FSTL5: variants seen among roughly 807,000 people sequenced by gnomAD.
FSTL5 encodes the protein follistatin like 5.
Under a neutral mutation model 89.1 loss-of-function variants are expected in FSTL5, and 62 were observed. That is an observed-to-expected ratio of 0.70 (90% confidence interval 0.57 to 0.86). FSTL5 has a LOEUF of 0.86. Ranked by LOEUF, FSTL5 falls within the 40% of genes least tolerant of loss-of-function variation. FSTL5 has a pLI of 0.00. For missense variants in FSTL5, 1,057 were observed against 1,001.6 expected (o/e 1.06, Z -0.75); for synonymous variants, 383 against 346.2 (o/e 1.11, Z -1.18).
intron 4 of FSTL5, among the ~76,000 whole-genome samples, chr4:161,902,066 A>C (rs1351619726): frequency 6.6e-6 from 1 of 152,110 alleles, no homozygotes; most frequent in Non-Finnish European, 1.5e-5. Context: ...TATTTGTTAC[A>C]TGTATTCTGA....
rs1002957888 is a variant in FSTL5, at chr4:161,624,868, C to A, written c.894+31460G>T. Among the ~76,000 whole-genome samples the A allele has an allele frequency of 2.6e-5, 4 of 152,012 alleles. No homozygotes were observed. In the East Asian group the frequency reaches 7.7e-4, roughly 29 times the overall value. On this transcript the variant is annotated intron_variant, in intron 7 of 15. Coordinates refer to ENST00000306100, the MANE Select transcript of FSTL5 (RefSeq NM_020116.5). ...TGAATTTGGACATATTTGCTGTATG[C>A]CAAACTTTAGTTCCAGATTCTATGC...
At chr4:161,510,304 A>T in intron 11 of FSTL5, 94 bp downstream of exon 11, 1 of 782,224 alleles carries the variant, frequency 1.3e-6, no homozygotes, top group Non-Finnish European at 2.0e-6. Context: ...AATCAAAATG[A>T]AAAAGAAGGT....
chr4:161,712,197 G>A (rs567839161), intron 6 of FSTL5, among the ~76,000 whole-genome samples: 1 of 152,168 alleles, frequency 6.6e-6, no homozygotes, highest in Non-Finnish European at 1.5e-5. Flanking sequence ...TTGTAGGAAT[G>A]GATGCACAAC....
Position 161,455,137 on chromosome 4 carries a change from A to G in FSTL5, c.1717-9T>C, listed in dbSNP as rs779736607. On this transcript the variant is annotated splice_polypyrimidine_tract_variant and intron_variant, in intron 14 of 15. Coordinates refer to ENST00000306100, the MANE Select transcript of FSTL5 (RefSeq NM_020116.5). ...CTGGCCAGGGTAATTACCTAAAGAG[A>G]ACACACCTTGGTTAGACCTCAACAA... 1 of 1,594,244 alleles carries G rather than the reference A, an allele frequency of 6.3e-7. No individual in the cohort carries two copies. Among genetic ancestry groups the G allele is most frequent in the Non-Finnish European group, 8.5e-7 (1 of 1,172,446 alleles).
intron 7 of FSTL5, among the ~76,000 whole-genome samples, chr4:161,604,867 C>T (rs929093862): frequency 1.3e-4 from 20 of 152,168 alleles, no homozygotes; most frequent in African/African-American, 4.8e-4. Flanking sequence ...TAAAAGAACA[C>T]AGCAGAACCA....
chr4:161,477,861 T>C (rs1729344995), intron 13 of FSTL5, among the ~76,000 whole-genome samples: 2 of 152,050 alleles, frequency 1.3e-5, no homozygotes, highest in South Asian at 2.1e-4. Flanking sequence ...AAAGTCTCAA[T>C]AGTGTATACA....
intron 2 of FSTL5, among the ~76,000 whole-genome samples, chr4:162,062,019 C>A (rs898707970): frequency 6.6e-6 from 1 of 151,996 alleles, no homozygotes; most frequent in South Asian, 2.1e-4. Flanking sequence ...ATTTTAAGAG[C>A]TTATTCTTTA....
chr4:161,479,012 CAAT>C (rs1729405868), intron 13 of FSTL5, among the ~76,000 whole-genome samples: 1 of 151,960 alleles, frequency 6.6e-6, no homozygotes, highest in South Asian at 2.1e-4. Context: ...GAAATCTACA[CAAT>C]AATTTCCTTC....
At chr4:161,617,481 G>A (rs993152384) in intron 7 of FSTL5, among the ~76,000 whole-genome samples, 1 of 152,128 alleles carries the variant, frequency 6.6e-6, no homozygotes. Context: ...TTGGTCTCAA[G>A]TTTGAAGGAA....
intron 6 of FSTL5, among the ~76,000 whole-genome samples, chr4:161,678,393 GA>G (rs971241095): frequency 6.6e-6 from 1 of 151,736 alleles, no homozygotes; most frequent in African/African-American, 2.4e-5. Flanking sequence ...AAAGAAGAGT[GA>G]AATAATCTTT....
At chr4:162,145,896 TTTTTTCTAAAAAAGTGA>T (rs1732955134) in intron 1 of FSTL5, among the ~76,000 whole-genome samples, 1 of 152,108 alleles carries the variant, frequency 6.6e-6, no homozygotes, top group Non-Finnish European at 1.5e-5. Context: ...TTTCCTAAAC[TTTTTTCTAAAAAAGTGA>T]TTTGTTTAAG....
intron 12 of FSTL5, among the ~76,000 whole-genome samples, chr4:161,486,143 CAA>C (rs1278214856): frequency 1.1e-3 from 85 of 76,158 alleles, no homozygotes; most frequent in East Asian, 4.2e-3. Flanking sequence ...GACTCCGTCT[CAA>C]AAAAAAAAAA....
chr4:161,993,618 CTG>C (rs901081541), intron 3 of FSTL5, among the ~76,000 whole-genome samples: 2 of 151,878 alleles, frequency 1.3e-5, no homozygotes, highest in Non-Finnish European at 2.9e-5. Flanking sequence ...AGTTTTAAAA[CTG>C]TAAATATAGG....
At chr4:161,619,745 T>G (rs1735044501) in intron 7 of FSTL5, among the ~76,000 whole-genome samples, 4 of 152,232 alleles carry the variant, frequency 2.6e-5, no homozygotes, top group African/African-American at 9.6e-5. Context: ...TTGGTGGGAC[T>G]GTAAACTAGT....
intron 10 of FSTL5, among the ~76,000 whole-genome samples, chr4:161,531,165 A>G (rs561069700): frequency 6.6e-6 from 1 of 152,306 alleles, no homozygotes; most frequent in African/African-American, 2.4e-5. Flanking sequence ...AATTTCTCAC[A>G]TGAGAAAACT....
intron 6 of FSTL5, among the ~76,000 whole-genome samples, chr4:161,710,261 C>T (rs1168895771): frequency 6.6e-6 from 1 of 152,102 alleles, no homozygotes; most frequent in Non-Finnish European, 1.5e-5. Context: ...AGCTACTGCA[C>T]CTGGCCAAAC....
intron 9 of FSTL5, among the ~76,000 whole-genome samples, chr4:161,540,574 A>G (rs1212934179): frequency 1.3e-5 from 2 of 152,010 alleles, no homozygotes; most frequent in African/African-American, 4.8e-5. Context: ...ATTGATTTCT[A>G]TGACTCTTCC....
intron 12 of FSTL5, among the ~76,000 whole-genome samples, chr4:161,482,727 G>T (rs1176398594): frequency 6.6e-6 from 1 of 152,086 alleles, no homozygotes; most frequent in African/African-American, 2.4e-5. Flanking sequence ...CATAAAATTT[G>T]GAAATTAATG....
chr4:161,602,817 T>C (rs540895874), intron 7 of FSTL5, among the ~76,000 whole-genome samples: 4 of 152,226 alleles, frequency 2.6e-5, no homozygotes, highest in Admixed American at 2.6e-4. Flanking sequence ...ACAGCAAAAG[T>C]ACCTTTGTAG....
Sources: allele counts gnomAD v4.1 joint callset (sites outside exome capture counted in the v4.1 genomes callset), GRCh38; gene constraint gnomAD v4.1.1; transcripts MANE v1.5; gene names NCBI Gene and HGNC (gene_info 2026-07-23, HGNC 2026-07-21).